Variants in SMIM22 observed in about 807,000 individuals in gnomAD.
SMIM22 encodes cancer associated small integral membrane open reading frame 1.
SMIM22 carries 16 observed loss-of-function variants against 8.4 expected under a neutral mutation model. The ratio of observed to expected loss-of-function variants is 1.90; its 90% CI spans 1.29 to 2.89. The LOEUF (loss-of-function observed/expected upper bound fraction) is 2.89. Among genes scored for constraint, SMIM22 ranks in the 30% most tolerant of loss-of-function variants. SMIM22 has a pLI of 0.00. For missense variants in SMIM22, 159 were observed against 107.5 expected (o/e 1.48, Z -2.12); for synonymous variants, 67 against 47.6 (o/e 1.41, Z -1.68).
chr16:4,795,207 G>GT (rs1176782384), upstream of SMIM22: 1 of 154,650 alleles, frequency 6.5e-6, no homozygotes, highest in Non-Finnish European at 1.4e-5. Context: ...CTGAGGAAAG[G>GT]TAAGAAGTCT....
At chr16:4,792,166 G>C (rs1193765656), upstream of SMIM22, among the ~76,000 whole-genome samples, 2 of 152,056 alleles carry the variant, frequency 1.3e-5, no homozygotes, top group Admixed American at 6.5e-5. Context: ...CCAAGAGCTG[G>C]AGCAGGGGCC....
chr16:4,791,468 G>C (rs375853057), upstream of SMIM22, among the ~76,000 whole-genome samples: 2 of 152,094 alleles, frequency 1.3e-5, no homozygotes, highest in Non-Finnish European at 2.9e-5. Flanking sequence ...TCATCCTCAC[G>C]ACACTGGGAG....
chr16:4,792,417 C>G (rs1469086192), upstream of SMIM22, among the ~76,000 whole-genome samples: 2 of 149,612 alleles, frequency 1.3e-5, no homozygotes, highest in Non-Finnish European at 3.0e-5. Flanking sequence ...GTCTCGATCT[C>G]CTGACCTCGT....
intron 2 of SMIM22, among the ~76,000 whole-genome samples, chr16:4,789,428 C>CCGGGAGGTTCA (rs2082515266): frequency 6.6e-6 from 1 of 151,970 alleles, no homozygotes; most frequent in African/African-American, 2.4e-5. Flanking sequence ...CGGGTTCACG[C>CCGGGAGGTTCA]CGCTCTCCTG....
upstream of SMIM22, among the ~76,000 whole-genome samples, chr16:4,791,813 G>A (rs914143182): frequency 2.0e-5 from 3 of 151,966 alleles, no homozygotes; most frequent in African/African-American, 4.8e-5. Flanking sequence ...TCAGCTTCCC[G>A]AGTAGCTGGG....
Position 4,795,622 on chromosome 16 carries a change from G to GTATCATTAAAAAA in SMIM22, c.-20-93_-20-92insTATCATTAAAAAA. 6.3e-6 allele frequency: 9 copies of GTATCATTAAAAAA among 1,432,294 alleles called. No individual in the cohort carries two copies. The Admixed American group carries it at 9.6e-5, about 15-fold the overall frequency. The allele number at this position is 1,432,294 out of a possible 1,614,324, so 88.7% of individuals were successfully genotyped here. A position where few individuals can be genotyped will look rare whatever the true frequency, so the allele number is the denominator to read the frequency against. On this transcript the variant is annotated intron_variant, in intron 1 of 3. Transcript: ENST00000586005. ...GGTGGGGAAGCTGGCGCTGGGCCAGGAGCGGGCAGTGGCTGGGCTGTGGGA... is the reference window on the plus strand; with the variant it reads ...GGTGGGGAAGCTGGCGCTGGGCCAGGTATCATTAAAAAAAGCGGGCAGTGGCTGGGCTGTGGGA...
intron 3 of SMIM22, 71 bp downstream of exon 3, chr16:4,796,119 G>T: frequency 4.6e-6 from 7 of 1,535,346 alleles, no homozygotes; most frequent in Non-Finnish European, 6.1e-6. Context: ...GAGGGGAGTG[G>T]CGGGAAGGGT....
upstream of SMIM22, among the ~76,000 whole-genome samples, chr16:4,791,851 C>T (rs2082555916): frequency 6.6e-6 from 1 of 152,068 alleles, no homozygotes; most frequent in African/African-American, 2.4e-5. Context: ...CCACGCCCGG[C>T]TAATTTTTGT....
intron 2 of SMIM22, among the ~76,000 whole-genome samples, chr16:4,789,168 C>A (rs1431052558): frequency 6.6e-6 from 1 of 151,876 alleles, no homozygotes; most frequent in African/African-American, 2.4e-5. Context: ...CCGGTGTGCA[C>A]CACCACGCTA....
Position 4,796,175 on chromosome 16 carries a change from G to C in SMIM22, c.226-15G>C. ...ACGAGCGAACCTGCTTGGTCCCGCT[G>C]TGCTTCTCGTGCAGGAAAGACCCAA... On this transcript the variant is annotated splice_polypyrimidine_tract_variant and intron_variant, in intron 3 of 3. Coordinates refer to ENST00000586005, the MANE Select transcript of SMIM22 (RefSeq NM_001253794.2). The C allele has an allele frequency of 6.5e-7, 1 of 1,536,016 alleles. No individual in the cohort carries two copies. The highest frequency in any genetic ancestry group is 1.7e-4 in the Middle Eastern group (1 of 5,990).
At chr16:4,793,699 G>C (rs1200247843), upstream of SMIM22, among the ~76,000 whole-genome samples, 1 of 152,182 alleles carries the variant, frequency 6.6e-6, no homozygotes, top group Non-Finnish European at 1.5e-5. Context: ...TATTGGACAT[G>C]TACAGACTTT....
chr16:4,795,432 A>C lies in SMIM22; in HGVS notation c.-38A>C. 2.4e-4 allele frequency: 87 copies of C among 362,316 alleles called. No homozygotes were observed. Among genetic ancestry groups the C allele is most frequent in the East Asian group, 7.9e-4 (12 of 15,252 alleles). 22.4% of individuals were successfully genotyped at this position (362,316 alleles called of 1,614,324 possible). On this transcript the variant is annotated 5_prime_UTR_variant, in exon 1 of 4. Coordinates refer to ENST00000586005, the MANE Select transcript of SMIM22 (RefSeq NM_001253794.2). ...CCCCAGGACCTGCCTGGTTGGGGGA[A>C]TTGGAGGCTTCTAGGAGGTAGGTGG...
intron 2 of SMIM22, among the ~76,000 whole-genome samples, chr16:4,789,267 C>T (rs188879602): frequency 1.3e-5 from 2 of 152,254 alleles, no homozygotes; most frequent in East Asian, 3.9e-4. Context: ...CAACCCTGGT[C>T]TCCCAAAGTG....
chr16:4,792,911 A>G (rs750422878), upstream of SMIM22, among the ~76,000 whole-genome samples: 16 of 151,552 alleles, frequency 1.1e-4, no homozygotes, highest in African/African-American at 2.4e-4. Context: ...GGAGTTTGAG[A>G]CCAGCCTGGC....
In SMIM22 at chr16:4,796,351, G is replaced by A. The variant is rs2141901825; in HGVS notation, c.*120G>A. The A allele has an allele frequency of 8.5e-7, 1 of 1,169,886 alleles. No individual in the cohort carries two copies. The highest frequency in any genetic ancestry group is 1.2e-6 in the Non-Finnish European group (1 of 838,294). The allele number at this position is 1,169,886 out of a possible 1,614,324, so 72.5% of individuals were successfully genotyped here. ...GCGGGACTCGCCGCCCCACTCAGGT[G>A]GCCACCTGGCCTCTCCAAGCCTTCA... is the stretch of plus-strand genomic sequence containing the variant. On this transcript the variant is annotated 3_prime_UTR_variant, in exon 4 of 4. Transcript: ENST00000586005.
At chr16:4,794,612 G>C (rs1356244497), upstream of SMIM22, among the ~76,000 whole-genome samples, 1 of 151,910 alleles carries the variant, frequency 6.6e-6, no homozygotes, top group Non-Finnish European at 1.5e-5. Flanking sequence ...TAGAGACATG[G>C]TTTCTCCACG....
upstream of SMIM22, among the ~76,000 whole-genome samples, chr16:4,792,197 T>C (rs2082560863): frequency 6.6e-6 from 1 of 151,750 alleles, no homozygotes; most frequent in South Asian, 2.1e-4. Context: ...CCCTGCACTT[T>C]TCTTTTTTTT....
chr16:4,791,727 A>G (rs2082553928), upstream of SMIM22, among the ~76,000 whole-genome samples: 1 of 152,022 alleles, frequency 6.6e-6, no homozygotes, highest in Admixed American at 6.6e-5. Context: ...TCACTCTGTC[A>G]CCCAGGCTGG....
Position 4,796,164 on chromosome 16 carries a change from T to C in SMIM22, c.226-26T>C, listed in dbSNP as rs2082641531. 3 of 1,535,870 alleles carry C rather than the reference T, an allele frequency of 2.0e-6. No individual in the cohort carries two copies. In the African/African-American group the frequency reaches 4.1e-5, roughly 21 times the overall value. On this transcript the variant is annotated intron_variant, in intron 3 of 3. Coordinates refer to ENST00000586005, the MANE Select transcript of SMIM22 (RefSeq NM_001253794.2). ...CCTAGGGAACAACGAGCGAACCTGC[T>C]TGGTCCCGCTGTGCTTCTCGTGCAG...
Sources: allele counts gnomAD v4.1 joint callset (sites outside exome capture counted in the v4.1 genomes callset), GRCh38; gene constraint gnomAD v4.1.1; transcripts MANE v1.5; gene names NCBI Gene and HGNC (gene_info 2026-07-23, HGNC 2026-07-21).